The following ZNRF3 variants were observed in gnomAD, a reference collection of about 807,000 sequenced individuals.
ZNRF3 encodes the protein E3 ubiquitin-protein ligase ZNRF3.
In ZNRF3, 23 loss-of-function variants were observed where a neutral mutation model predicts 72.5. That is an observed-to-expected ratio of 0.32 (90% CI 0.23 to 0.45). ZNRF3 has a LOEUF of 0.45. ZNRF3 is among the 20% of genes least tolerant of loss of function. The pLI is 1.00. For missense variants in ZNRF3, 1,169 were observed against 1,272.1 expected (o/e 0.92, Z 1.23); for synonymous variants, 610 against 545.3 (o/e 1.12, Z -1.65).
At position 29,055,123 on chromosome 22, in the gene ZNRF3, G is replaced by C. The variant is rs917511205; in HGVS notation, c.*1501G>C. Reference sequence around the variant, plus strand: ...TAAGGTGTTTCATTTTTAAAAGGGAGAGAGAATCTATTTAAAGCTATTTCA... The same window carrying C: ...TAAGGTGTTTCATTTTTAAAAGGGACAGAGAATCTATTTAAAGCTATTTCA... On this transcript the variant is annotated 3_prime_UTR_variant, in exon 9 of 9. Transcript: ENST00000544604. 2.0e-5 allele frequency: 3 copies of C among 152,724 alleles called. No homozygotes were observed. The highest frequency in any genetic ancestry group is 7.2e-5 in the African/African-American group (3 of 41,434). 9.5% of individuals were successfully genotyped at this position (152,724 alleles called of 1,614,324 possible).
chr22:29,016,712 G>A (rs2036443803), intron 2 of ZNRF3, among the ~76,000 whole-genome samples: 1 of 152,186 alleles, frequency 6.6e-6, no homozygotes, highest in Non-Finnish European at 1.5e-5. Flanking sequence ...AGTTGCTCCA[G>A]CTCAGAGAAC....
At chr22:28,939,874 G>A (rs75674612) in intron 1 of ZNRF3, among the ~76,000 whole-genome samples, 3,531 of 152,060 alleles carry the variant, frequency 0.023, 69 homozygotes, top group Non-Finnish European at 0.035. Context: ...TTAGACGTTA[G>A]CCTTTGACAC....
intron 2 of ZNRF3, among the ~76,000 whole-genome samples, chr22:29,027,731 C>G (rs2123867500): frequency 6.6e-6 from 1 of 152,310 alleles, no homozygotes; most frequent in East Asian, 1.9e-4. Context: ...GAGATAGATT[C>G]AGTGTCATCC....
intron 1 of ZNRF3, among the ~76,000 whole-genome samples, chr22:28,972,544 G>A (rs1284183639): frequency 6.6e-6 from 1 of 152,154 alleles, no homozygotes; most frequent in African/African-American, 2.4e-5. Flanking sequence ...TCCACTCTTT[G>A]GTTATTAGGA....
At chr22:28,978,864 C>T (rs1009552238) in intron 1 of ZNRF3, among the ~76,000 whole-genome samples, 13 of 152,138 alleles carry the variant, frequency 8.5e-5, no homozygotes, top group African/African-American at 3.1e-4. Flanking sequence ...TTTTGCTTTT[C>T]ACTCCCCTCT....
intron 2 of ZNRF3, among the ~76,000 whole-genome samples, chr22:29,019,090 A>C (rs2036485769): frequency 6.6e-6 from 1 of 151,802 alleles, no homozygotes; most frequent in Non-Finnish European, 1.5e-5. Context: ...GGCTTCTTAC[A>C]TGATAGTTCT....
At chr22:29,028,520 C>G (rs1202647396) in intron 2 of ZNRF3, among the ~76,000 whole-genome samples, 2 of 152,182 alleles carry the variant, frequency 1.3e-5, no homozygotes, top group African/African-American at 4.8e-5. Flanking sequence ...GGAGGTTCAG[C>G]ATTCACATTG....
chr22:28,955,318 A>G (rs2035239966), intron 1 of ZNRF3, among the ~76,000 whole-genome samples: 1 of 152,138 alleles, frequency 6.6e-6, no homozygotes, highest in Non-Finnish European at 1.5e-5. Context: ...AAATGCTGGG[A>G]TTATGGGGAT....
intron 2 of ZNRF3, among the ~76,000 whole-genome samples, chr22:29,007,838 C>A (rs1347490893): frequency 6.8e-6 from 1 of 148,014 alleles, no homozygotes; most frequent in Non-Finnish European, 1.5e-5. Context: ...CTCACCACAA[C>A]CTCCGCCTCC....
chr22:28,898,926 G>GTTT (rs34713478), intron 1 of ZNRF3, among the ~76,000 whole-genome samples: 144 of 114,052 alleles, frequency 1.3e-3, no homozygotes, highest in African/African-American at 3.2e-3. Flanking sequence ...ACATGCTGAG[G>GTTT]TTTTTTTTTT....
intron 1 of ZNRF3, among the ~76,000 whole-genome samples, chr22:28,949,368 A>G (rs1341453534): frequency 6.6e-6 from 1 of 152,156 alleles, no homozygotes; most frequent in Non-Finnish European, 1.5e-5. Flanking sequence ...TCTACCTCCT[A>G]GACTCAAGTG....
At chr22:28,978,201 C>G (rs1204278053) in intron 1 of ZNRF3, among the ~76,000 whole-genome samples, 1 of 152,186 alleles carries the variant, frequency 6.6e-6, no homozygotes, top group Non-Finnish European at 1.5e-5. Context: ...TTCAGAAATG[C>G]AAGTGGAATG....
At position 29,046,597 on chromosome 22, in the gene ZNRF3, C is replaced by T. The variant is rs1006510042; in HGVS notation, c.745-119C>T. On this transcript the variant is annotated intron_variant, in intron 5 of 8. Coordinates refer to ENST00000544604, the MANE Select transcript of ZNRF3 (RefSeq NM_001206998.2). The stretch of plus-strand genomic sequence containing the variant: ...GAGTTCTGAGCGACTTCTCAGAAGT[C>T]TGTTCCGGCATGATAGAGAATTGTC... 8 of 1,161,652 alleles carry T rather than the reference C, an allele frequency of 6.9e-6. No individual in the cohort carries two copies. In the African/African-American group the frequency reaches 1.2e-4, roughly 18 times the overall value. 72.0% of individuals were successfully genotyped at this position (1,161,652 alleles called of 1,614,324 possible). A position where few individuals can be genotyped will look rare whatever the true frequency, so the allele number is the denominator to read the frequency against.
chr22:28,917,524 C>A, intron 1 of ZNRF3: 1 of 844,522 alleles, frequency 1.2e-6, no homozygotes, highest in Non-Finnish European at 1.4e-6. Context: ...AAGATATACT[C>A]TCTGTAGGCT....
chr22:28,885,763 A>G (rs2033774326), intron 1 of ZNRF3, among the ~76,000 whole-genome samples: 2 of 152,184 alleles, frequency 1.3e-5, no homozygotes, highest in African/African-American at 2.4e-5. Flanking sequence ...CTTTGGAGAT[A>G]ATCTTGGGTT....
In ZNRF3 at chr22:29,050,153, G is replaced by C. The variant is rs766790413; in HGVS notation, c.1972G>C (p.Val658Leu). The change falls in exon 8 of 9, where the codon GTG (valine) becomes CTG (leucine). Residue 658 changes from valine (V) to leucine (L), a missense_variant. Transcript: ENST00000544604. ...CCCTGCCTCTCCCTCGGGGGATCAG[G>C]TGTCCACCTGCAGCCTGGAGATGAA... Reference protein sequence around the residue: ...PGPASPSGDQVSTCSLEMNYS... With the variant: ...PGPASPSGDQLSTCSLEMNYS... 6.2e-7 allele frequency: 1 copy of C among 1,604,224 alleles called. No individual in the cohort carries two copies. Among genetic ancestry groups the C allele is most frequent in the African/African-American group, 1.3e-5 (1 of 74,924 alleles).
intron 1 of ZNRF3, among the ~76,000 whole-genome samples, chr22:28,909,784 G>T (rs2034282201): frequency 6.8e-6 from 1 of 146,604 alleles, no homozygotes; most frequent in Admixed American, 6.9e-5. Flanking sequence ...GTAGGGAAAG[G>T]GTTCTACCAT....
chr22:28,893,731 C>G (rs1408675655), intron 1 of ZNRF3, among the ~76,000 whole-genome samples: 3 of 152,204 alleles, frequency 2.0e-5, no homozygotes, highest in Admixed American at 6.5e-5. Context: ...CTTGGGAGCT[C>G]AAGCAATTCA....
chr22:28,887,122 GAA>G (rs534665241), intron 1 of ZNRF3, among the ~76,000 whole-genome samples: 1 of 152,014 alleles, frequency 6.6e-6, no homozygotes, highest in Non-Finnish European at 1.5e-5. Context: ...GTTTAGGGGA[GAA>G]AAAACCTGTT....
Sources: allele counts gnomAD v4.1 joint callset (sites outside exome capture counted in the v4.1 genomes callset), GRCh38; gene constraint gnomAD v4.1.1; transcripts MANE v1.5; gene names NCBI Gene and HGNC (gene_info 2026-07-23, HGNC 2026-07-21).